Variants in FRAS1 observed in about 807,000 individuals in gnomAD.
FRAS1 encodes the protein Fraser extracellular matrix complex subunit 1.
A neutral mutation model predicts 435.2 loss-of-function variants in FRAS1; 290 were observed. That is an observed-to-expected ratio of 0.67 (90% confidence interval 0.61 to 0.73). The LOEUF (loss-of-function observed/expected upper bound fraction) is 0.73. Ranked by LOEUF, FRAS1 falls within the 30% of genes least tolerant of loss-of-function variation. The pLI, the probability that FRAS1 is intolerant of heterozygous loss-of-function variation, is 0.00. For synonymous variants in FRAS1, 1,800 were observed against 1,851.0 expected, an observed-to-expected ratio of 0.97 and a Z score of 0.71; for missense variants, 4,860 against 5,001.5, an observed-to-expected ratio of 0.97 and a Z score of 0.85.
Position 78,417,153 on chromosome 4 carries a change from C to T in FRAS1, c.4426-1796C>T, listed in dbSNP as rs114294933. ...CTCAATATTGCTTTCCTCATGGAAT[C>T]AGTCCTTTTTATATGTAGTATCTAT... is the stretch of plus-strand genomic sequence containing the variant. On this transcript the variant is annotated intron_variant, in intron 32 of 73. Coordinates refer to ENST00000512123, the MANE Select transcript of FRAS1 (RefSeq NM_025074.7). Among the ~76,000 whole-genome samples the T allele has an allele frequency of 6.7e-3, 1,023 of 152,218 alleles. 8 individuals are homozygous for T. The highest frequency in any genetic ancestry group is 0.024 in the African/African-American group (985 of 41,528).
intron 4 of FRAS1, among the ~76,000 whole-genome samples, chr4:78,248,562 A>G (rs1171092082): frequency 6.6e-6 from 1 of 152,186 alleles, no homozygotes; most frequent in East Asian, 1.9e-4. Flanking sequence ...GGCTAAAAGG[A>G]TAACTAATTT....
intron 2 of FRAS1, among the ~76,000 whole-genome samples, chr4:78,217,378 T>A (rs933859723): frequency 1.3e-5 from 2 of 152,080 alleles, no homozygotes; most frequent in African/African-American, 4.8e-5. Context: ...CCATGACATA[T>A]GAGAATGGTA....
At chr4:78,120,846 C>A (rs1004369573) in intron 2 of FRAS1, among the ~76,000 whole-genome samples, 22 of 152,166 alleles carry the variant, frequency 1.4e-4, no homozygotes, top group Non-Finnish European at 2.1e-4. Flanking sequence ...AAGTTTGAAA[C>A]CTAGGTTTGG....
At position 78,370,002 on chromosome 4, in the gene FRAS1, T is replaced by A; in HGVS notation, c.2869+18T>A. The A allele has an allele frequency of 6.2e-7, 1 of 1,609,360 alleles. No individual in the cohort carries two copies. Among genetic ancestry groups the A allele is most frequent in the Non-Finnish European group, 8.5e-7 (1 of 1,177,148 alleles). The stretch of plus-strand genomic sequence containing the variant: ...GTGCAAAGGTAAAGCTCTTCCTGAA[T>A]TGTGTAAAGATTCTTTTACACAGTG... On this transcript the variant is annotated intron_variant, in intron 23 of 73. Coordinates refer to ENST00000512123, the MANE Select transcript of FRAS1 (RefSeq NM_025074.7).
At chr4:78,416,976 T>C (rs1456107038) in intron 32 of FRAS1, among the ~76,000 whole-genome samples, 4 of 152,114 alleles carry the variant, frequency 2.6e-5, no homozygotes, top group Non-Finnish European at 5.9e-5. Flanking sequence ...TTCTGTAATC[T>C]TCTTTTGTTG....
chr4:78,333,485 A>G (rs917945115), intron 19 of FRAS1, 73 bp downstream of exon 19: 3 of 1,450,288 alleles, frequency 2.1e-6, no homozygotes, highest in Admixed American at 2.4e-5. Flanking sequence ...AGACACTGTA[A>G]TTAGAAACCT....
chr4:78,541,354 A>G lies in FRAS1; in HGVS notation c.*230A>G, dbSNP rs2109912215. 2 of 361,582 alleles carry G rather than the reference A, an allele frequency of 5.5e-6. No homozygotes were observed. The highest frequency in any genetic ancestry group is 4.4e-5 in the Admixed American group (1 of 22,534). The allele number at this position is 361,582 out of a possible 1,614,324, so 22.4% of individuals were successfully genotyped here. The stretch of plus-strand genomic sequence containing the variant: ...GTAGATCCCTTTAATAGTGTCAACA[A>G]CTGTACACAGCTCCTTCTGTAAGGC... On this transcript the variant is annotated 3_prime_UTR_variant, in exon 74 of 74. Coordinates refer to ENST00000512123, the MANE Select transcript of FRAS1 (RefSeq NM_025074.7).
rs562936346 is a variant in FRAS1 at position 78,094,330 on chromosome 4, G to A, written c.108+28314G>A. 4.9e-4 allele frequency among the ~76,000 whole-genome samples: 75 copies of A among 152,072 alleles called. 1 individual carries two copies. The highest frequency in any genetic ancestry group is 1.7e-3 in the African/African-American group (72 of 41,528). On this transcript the variant is annotated intron_variant, in intron 2 of 73. Coordinates refer to ENST00000512123, the MANE Select transcript of FRAS1 (RefSeq NM_025074.7). ...TTAAATATTTTGATTGTTTGAAGCA[G>A]CATAGCTTTCCCCTGAGGCAAACTG...
intron 72 of FRAS1, among the ~76,000 whole-genome samples, chr4:78,538,120 ACATTGC>A (rs1721938529): frequency 6.6e-6 from 1 of 152,220 alleles, no homozygotes; most frequent in Non-Finnish European, 1.5e-5. Context: ...AAAATGTAAA[ACATTGC>A]CAGCTCTCTT....
intron 49 of FRAS1, among the ~76,000 whole-genome samples, chr4:78,465,064 A>C (rs1578340230): frequency 6.6e-6 from 1 of 152,302 alleles, no homozygotes; most frequent in Admixed American, 6.5e-5. Flanking sequence ...GTGGAGACTA[A>C]GCTTTTATTC....
At chr4:78,076,673 A>G (rs1220713707) in intron 2 of FRAS1, among the ~76,000 whole-genome samples, 1 of 152,196 alleles carries the variant, frequency 6.6e-6, no homozygotes, top group Non-Finnish European at 1.5e-5. Context: ...ACTTTAAGGA[A>G]TAATAGAGCT....
chr4:78,376,736 A>T (rs769382123), intron 26 of FRAS1, among the ~76,000 whole-genome samples: 1 of 152,174 alleles, frequency 6.6e-6, no homozygotes, highest in African/African-American at 2.4e-5. Context: ...CACGCCTGTA[A>T]TCCCAGCACA....
chr4:78,086,678 G>A (rs1333843670), intron 2 of FRAS1, among the ~76,000 whole-genome samples: 9 of 152,286 alleles, frequency 5.9e-5, no homozygotes, highest in East Asian at 1.9e-4. Flanking sequence ...AAATCTAGAA[G>A]AAATGGATAA....
At chr4:78,407,988 G>C (rs1325573129) in intron 31 of FRAS1, 147 bp downstream of exon 31, 2 of 691,278 alleles carry the variant, frequency 2.9e-6, no homozygotes, top group Non-Finnish European at 4.6e-6. Context: ...TACTGATAAA[G>C]ACATACCCGA....
chr4:78,466,428 GA>G lies in FRAS1; in HGVS notation c.7254del (p.Glu2419ArgfsTer3). ...TNPFFIIEEG[G>X]KEIMTAAPQP... ...CCCTTCTTTATCATTGAGGAAGGGGGAAAAGAGGTGAGGGGTGAGGACACTG... is the reference window on the plus strand; with the variant it reads ...CCCTTCTTTATCATTGAGGAAGGGGGAAAGAGGTGAGGGGTGAGGACACTG... On this transcript the variant is annotated frameshift_variant, in exon 50 of 74. Transcript: ENST00000512123. LOFTEE classifies it high-confidence loss of function. 1 of 1,611,688 alleles carries G rather than the reference GA, an allele frequency of 6.2e-7. No homozygotes were observed. The highest frequency in any genetic ancestry group is 1.1e-5 in the South Asian group (1 of 90,722).
At chr4:78,423,558 G>A (rs913507447) in intron 34 of FRAS1, among the ~76,000 whole-genome samples, 2 of 152,182 alleles carry the variant, frequency 1.3e-5, no homozygotes, top group Non-Finnish European at 2.9e-5. Context: ...CAAAAGTGGT[G>A]ATTTCTTATG....
At chr4:78,393,051 G>A (rs1244138801) in intron 29 of FRAS1, among the ~76,000 whole-genome samples, 3 of 148,786 alleles carry the variant, frequency 2.0e-5, no homozygotes, top group African/African-American at 7.4e-5. Flanking sequence ...ATTGAGGAAT[G>A]ATTGACATGT....
intron 20 of FRAS1, among the ~76,000 whole-genome samples, chr4:78,345,334 A>G (rs1730565307): frequency 6.6e-6 from 1 of 152,210 alleles, no homozygotes; most frequent in Non-Finnish European, 1.5e-5. Flanking sequence ...CCAAGCTAGC[A>G]CTTGGATGGT....
chr4:78,112,370 T>C (rs1215466988), intron 2 of FRAS1, among the ~76,000 whole-genome samples: 3 of 152,188 alleles, frequency 2.0e-5, no homozygotes, highest in Non-Finnish European at 4.4e-5. Context: ...CTGCAATCTG[T>C]AGATCTGGAG....
Sources: gnomAD v4.1 joint callset for allele counts (sites outside exome capture counted in the v4.1 genomes callset) on GRCh38, gnomAD v4.1.1 for gene constraint, MANE v1.5 for transcripts, NCBI Gene and HGNC (gene_info 2026-07-23, HGNC 2026-07-21) for gene names.